GET1: variants seen among roughly 807,000 people sequenced by gnomAD.
The protein encoded by GET1 is congenital heart disease 5 protein.
A neutral mutation model predicts 22.6 loss-of-function variants in GET1; 20 were observed. The observed-to-expected ratio is 0.89, with a 90% CI of 0.62 to 1.29. The LOEUF (loss-of-function observed/expected upper bound fraction) is 1.29. Ranked by LOEUF, GET1 falls within the 50% of genes most tolerant of loss-of-function variation. GET1 has a pLI of 0.00. For missense variants in GET1, 209 were observed against 219.9 expected (o/e 0.95, Z 0.31); for synonymous variants, 92 against 83.8 (o/e 1.10, Z -0.53).
intron 1 of GET1, among the ~76,000 whole-genome samples, chr21:39,387,527 A>G (rs1027345782): frequency 6.6e-6 from 1 of 152,174 alleles, no homozygotes; most frequent in Non-Finnish European, 1.5e-5. Context: ...GCTGGAGTAT[A>G]GCTCCTTCGG....
At chr21:39,392,706 G>A (rs768889546) in intron 3 of GET1, among the ~76,000 whole-genome samples, 3 of 152,178 alleles carry the variant, frequency 2.0e-5, no homozygotes, top group East Asian at 1.9e-4. Context: ...ACTGGTGTAC[G>A]TGGGAGAATT....
chr21:39,380,338 C>T lies in GET1; in HGVS notation c.-47C>T. On this transcript the variant is annotated 5_prime_UTR_variant, in exon 1 of 5. Transcript: ENST00000649170. ...CGCGGTCGCCGCTGTTGTTGTGGTC[C>T]CCATGGAGCTGCCGTAGCGGACCCA... 6.4e-7 allele frequency: 1 copy of T among 1,557,870 alleles called. No individual in the cohort carries two copies. The highest frequency in any genetic ancestry group is 8.7e-7 in the Non-Finnish European group (1 of 1,150,808).
intron 1 of GET1, among the ~76,000 whole-genome samples, chr21:39,413,649 T>G (rs915744164): frequency 1.3e-5 from 2 of 152,232 alleles, no homozygotes; most frequent in East Asian, 1.9e-4. Context: ...CTTTTCTTAT[T>G]GTGGTAACAG....
rs948943125 is a variant in GET1, at chr21:39,397,553, G to A, written c.*614G>A. On this transcript the variant is annotated 3_prime_UTR_variant, in exon 5 of 5. Transcript: ENST00000649170. ...TACAGTGTTTTGTAAATGTATCCACGAGACCATGATGCATTGTTTTGTGCT... is the reference window on the plus strand; with the variant it reads ...TACAGTGTTTTGTAAATGTATCCACAAGACCATGATGCATTGTTTTGTGCT... The A allele has an allele frequency of 3.3e-5, 5 of 152,234 alleles. No homozygotes were observed. The highest frequency in any genetic ancestry group is 3.8e-4 in the East Asian group (2 of 5,200). 9.4% of individuals were successfully genotyped at this position (152,234 alleles called of 1,614,324 possible). A position where few individuals can be genotyped will look rare whatever the true frequency, so the allele number is the denominator to read the frequency against.
chr21:39,388,708 G>C (rs554783167), intron 1 of GET1, among the ~76,000 whole-genome samples: 44 of 152,208 alleles, frequency 2.9e-4, no homozygotes, highest in Non-Finnish European at 5.6e-4. Context: ...GGGCGCCCGC[G>C]CAGTCCTTGG....
intron 3 of GET1, 49 bp from the exon 4 acceptor site, chr21:39,393,117 C>T (rs769525906): frequency 1.1e-5 from 17 of 1,490,284 alleles, no homozygotes; most frequent in South Asian, 6.8e-5. Flanking sequence ...TCTGTGTGGT[C>T]GGTTGTGTGA....
intron 1 of GET1, chr21:39,422,943 A>C (rs530213811): frequency 1.3e-6 from 2 of 1,595,774 alleles, no homozygotes; most frequent in Admixed American, 3.5e-5. Flanking sequence ...TAACTTTGGA[A>C]TCTTAAACTG....
exon 5 of GET1, chr21:39,406,570 A>G: frequency 6.2e-7 from 1 of 1,603,868 alleles, no homozygotes; most frequent in African/African-American, 1.4e-5. Context: ...AGTATTCTCC[A>G]GCAGTATTTG....
chr21:39,383,796 A>G (rs937854876), intron 1 of GET1, among the ~76,000 whole-genome samples: 5 of 151,812 alleles, frequency 3.3e-5, no homozygotes, highest in African/African-American at 1.2e-4. Flanking sequence ...GCTGGAGTGC[A>G]GTGGCTCAAT....
In GET1 at chr21:39,397,636, T is replaced by A. The variant is rs2038727337; in HGVS notation, c.*697T>A. 2 of 152,214 alleles carry A rather than the reference T, an allele frequency of 1.3e-5. No individual in the cohort carries two copies. The highest frequency in any genetic ancestry group is 2.1e-4 in the South Asian group (1 of 4,828). The allele number at this position is 152,214 out of a possible 1,614,324, so 9.4% of individuals were successfully genotyped here. The stretch of plus-strand genomic sequence containing the variant: ...TGAAGTGTATTTTATAAGCATTTAA[T>A]ATTTATGCTCTTTAGAATGGAACAC... On this transcript the variant is annotated 3_prime_UTR_variant, in exon 5 of 5. Coordinates refer to ENST00000649170, the MANE Select transcript of GET1 (RefSeq NM_004627.6).
exon 5 of GET1, chr21:39,406,329 T>C (rs1240086991): frequency 3.1e-6 from 5 of 1,614,060 alleles, no homozygotes; most frequent in Non-Finnish European, 4.2e-6. Flanking sequence ...ATGAGTAATG[T>C]CTTCTTTGTC....
At chr21:39,389,209 C>T (rs569492096) in intron 1 of GET1, among the ~76,000 whole-genome samples, 2 of 152,192 alleles carry the variant, frequency 1.3e-5, no homozygotes, top group African/African-American at 4.8e-5. Context: ...TGGGCTCAAG[C>T]GATTCACCTG....
In GET1 at chr21:39,423,280, A is replaced by G. The variant is rs2074060304; in HGVS notation, c.*24-4952A>G. The stretch of plus-strand genomic sequence containing the variant: ...TATAGCTTTCAAATGCCTAAGCTGA[A>G]GTTGTTTCAAAAATTGGTTTTCTGT... On this transcript the variant is annotated intron_variant, in intron 1 of 1. Transcript: ENST00000478273. 5.0e-6 allele frequency: 8 copies of G among 1,609,458 alleles called. No homozygotes were observed. The East Asian group carries it at 1.6e-4, about 31-fold the overall frequency.
Position 39,383,375 on chromosome 21 carries a change from G to A in GET1, c.102+2889G>A, listed in dbSNP as rs1190772592. Among the ~76,000 whole-genome samples the A allele has an allele frequency of 2.4e-4, 36 of 149,722 alleles. 1 individual carries two copies. Among genetic ancestry groups the A allele is most frequent in the Non-Finnish European group, 4.0e-4 (27 of 67,516 alleles). On this transcript the variant is annotated intron_variant, in intron 1 of 4. Coordinates refer to ENST00000649170, the MANE Select transcript of GET1 (RefSeq NM_004627.6). ...CAGCTCACTGCAACCTCTGCCCCCC[G>A]AGTTCAAGAGATTCTCCTGCCTCAG... is the stretch of plus-strand genomic sequence containing the variant.
downstream of GET1, chr21:39,410,946 T>TCCTA (rs1484745278): frequency 2.1e-6 from 1 of 470,758 alleles, no homozygotes; most frequent in Non-Finnish European, 4.4e-6. Context: ...AGGTGAGTAT[T>TCCTA]CCTATGGTAC....
chr21:39,406,382 T>C (rs761056311), exon 5 of GET1: 1 of 1,614,184 alleles, frequency 6.2e-7, no homozygotes, highest in Non-Finnish European at 8.5e-7. Flanking sequence ...TTGCCAAGTG[T>C]GTCATCCACA....
intron 1 of GET1, among the ~76,000 whole-genome samples, chr21:39,381,852 C>T (rs1001786952): frequency 6.6e-6 from 1 of 152,114 alleles, no homozygotes; most frequent in Non-Finnish European, 1.5e-5. Context: ...ATCCTCCCAC[C>T]TCAGCCTCCC....
At chr21:39,428,130 A>T (rs756673584) in intron 1 of GET1, 1 of 1,145,706 alleles carries the variant, frequency 8.7e-7, no homozygotes, top group Non-Finnish European at 1.3e-6. Flanking sequence ...TAACATCATT[A>T]TGACAGAAAT....
chr21:39,390,591 G>T, intron 1 of GET1, 107 bp from the exon 2 acceptor site: 1 of 1,441,438 alleles, frequency 6.9e-7, no homozygotes, highest in Non-Finnish European at 9.3e-7. Context: ...CACACAACTG[G>T]CTGGGTCACA....
Sources: allele counts gnomAD v4.1 joint callset (sites outside exome capture counted in the v4.1 genomes callset), GRCh38; gene constraint gnomAD v4.1.1; transcripts MANE v1.5; gene names NCBI Gene and HGNC (gene_info 2026-07-23, HGNC 2026-07-21).